PDE1C: variants seen among roughly 807,000 people sequenced by gnomAD.
PDE1C encodes the protein dual specificity calcium/calmodulin-dependent 3',5'-cyclic nucleotide phosphodiesterase 1C.
A neutral mutation model predicts 93.1 loss-of-function variants in PDE1C; 62 were observed. The observed-to-expected ratio is 0.67, with a 90% CI of 0.54 to 0.82. The LOEUF is 0.82. Ranked by LOEUF, PDE1C falls within the 40% of genes least tolerant of loss-of-function variation. PDE1C has a pLI of 0.00. For missense variants in PDE1C, 742 were observed against 884.6 expected (o/e 0.84, Z 2.04); for synonymous variants, 325 against 310.1 (o/e 1.05, Z -0.50).
chr7:32,192,050 T>A (rs879651835), intron 2 of PDE1C, among the ~76,000 whole-genome samples: 1 of 152,208 alleles, frequency 6.6e-6, no homozygotes, highest in Non-Finnish European at 1.5e-5. Context: ...TTTGACCATA[T>A]TCAAAATGCA....
intron 1 of PDE1C, among the ~76,000 whole-genome samples, chr7:32,402,586 AC>A (rs1784970668): frequency 6.6e-6 from 1 of 152,128 alleles, no homozygotes; most frequent in African/African-American, 2.4e-5. Context: ...TACTCAGTCT[AC>A]TGATTCAAAT....
intron 3 of PDE1C, among the ~76,000 whole-genome samples, chr7:32,110,657 A>G (rs62458869): frequency 0.2 from 30,812 of 152,082 alleles, 3,760 homozygotes; most frequent in Middle Eastern, 0.31. Context: ...CTGAGCGTTG[A>G]ATTCTGAGAT....
intron 2 of PDE1C, among the ~76,000 whole-genome samples, chr7:31,956,677 AC>A (rs1358035397): frequency 6.6e-6 from 1 of 151,916 alleles, no homozygotes; most frequent in Non-Finnish European, 1.5e-5. Context: ...CAAAAAAAAA[AC>A]CAGAATGAGT....
chr7:32,355,453 A>T (rs1397717311), intron 1 of PDE1C, among the ~76,000 whole-genome samples: 1 of 152,202 alleles, frequency 6.6e-6, no homozygotes, highest in African/African-American at 2.4e-5. Flanking sequence ...GCATCGTGGC[A>T]CACACTCCTT....
chr7:31,713,332 G>A, the PDE1C span, among the ~76,000 whole-genome samples: 1 of 152,218 alleles, frequency 6.6e-6, no homozygotes. Context: ...TTGACTCCAT[G>A]TCTCACATCC....
intron 1 of PDE1C, among the ~76,000 whole-genome samples, chr7:32,344,580 C>A (rs1461001967): frequency 6.6e-6 from 1 of 152,084 alleles, no homozygotes; most frequent in East Asian, 1.9e-4. Context: ...TTTCTTTCCC[C>A]CAGATATCAC....
At chr7:32,257,296 T>A (rs1412333122) in intron 1 of PDE1C, among the ~76,000 whole-genome samples, 1 of 152,228 alleles carries the variant, frequency 6.6e-6, no homozygotes, top group African/African-American at 2.4e-5. Flanking sequence ...GCTTCCTGCG[T>A]CAGGTTCATC....
chr7:32,205,592 A>C (rs547054737), intron 2 of PDE1C, among the ~76,000 whole-genome samples: 5 of 132,882 alleles, frequency 3.8e-5, no homozygotes, highest in Admixed American at 3.4e-4. Flanking sequence ...AAGAGAATAA[A>C]AGCAGGCCAA....
intron 2 of PDE1C, among the ~76,000 whole-genome samples, chr7:32,174,194 C>G (rs17160950): frequency 2.6e-5 from 4 of 152,008 alleles, no homozygotes; most frequent in Non-Finnish European, 5.9e-5. Context: ...TAAACCTGAT[C>G]TAAATGAAGG....
chr7:31,874,040 C>A (rs922912259), intron 5 of PDE1C, among the ~76,000 whole-genome samples: 24 of 152,202 alleles, frequency 1.6e-4, no homozygotes, highest in Admixed American at 1.4e-3. Flanking sequence ...TCAATCGAAA[C>A]TGCTGAGCTG....
At chr7:32,048,582 T>TA in intron 2 of PDE1C, among the ~76,000 whole-genome samples, 2 of 152,188 alleles carry the variant, frequency 1.3e-5, no homozygotes, top group East Asian at 3.9e-4. Context: ...GCAAAGATAC[T>TA]ATCTTGGAAG....
intron 2 of PDE1C, among the ~76,000 whole-genome samples, chr7:31,958,710 T>C (rs1808494109): frequency 6.6e-6 from 1 of 152,156 alleles, no homozygotes; most frequent in African/African-American, 2.4e-5. Flanking sequence ...TATATACACA[T>C]TTATTACTTT....
intron 17 of PDE1C, among the ~76,000 whole-genome samples, chr7:31,765,889 T>G (rs1795111909): frequency 6.6e-6 from 1 of 152,206 alleles, no homozygotes; most frequent in Non-Finnish European, 1.5e-5. Context: ...CCATTGGCAA[T>G]GACCTTCAGA....
At chr7:32,105,474 T>C (rs965236916) in intron 3 of PDE1C, among the ~76,000 whole-genome samples, 3 of 152,186 alleles carry the variant, frequency 2.0e-5, no homozygotes, top group Non-Finnish European at 2.9e-5. Flanking sequence ...TCCACCTAGA[T>C]AGACAATTTC....
At chr7:31,771,423 G>A (rs1039590660) in intron 17 of PDE1C, among the ~76,000 whole-genome samples, 4 of 152,262 alleles carry the variant, frequency 2.6e-5, no homozygotes, top group African/African-American at 9.6e-5. Flanking sequence ...ATCCTAATGG[G>A]TGTGAAGTGG....
At chr7:32,170,063 T>C (rs187100663) in intron 2 of PDE1C, 1 of 971,424 alleles carries the variant, frequency 1.0e-6, no homozygotes, top group Non-Finnish European at 1.6e-6. Context: ...GAAATTTATA[T>C]ATTTCTCACC....
intron 2 of PDE1C, among the ~76,000 whole-genome samples, chr7:31,981,413 A>G (rs980733151): frequency 6.6e-6 from 1 of 152,196 alleles, no homozygotes; most frequent in Non-Finnish European, 1.5e-5. Flanking sequence ...CACTTAACAT[A>G]TCACTTCATA....
At position 32,120,012 on chromosome 7, in the gene PDE1C, C is replaced by T. The variant is rs76471685; in HGVS notation, c.308+49773G>A. ...AGTTCCCTGGGTCGGGGAAGGGCAG[C>T]ATCCCTCTCTATAGCTCCAGGTCAC... On this transcript the variant is annotated intron_variant, in intron 3 of 18. Transcript: ENST00000396193. Among the ~76,000 whole-genome samples the T allele has an allele frequency of 2.7e-4, 41 of 152,338 alleles. No individual in the cohort carries two copies. The East Asian group carries it at 7.9e-3, about 29-fold the overall frequency.
At chr7:31,915,862 T>A (rs992593444) in intron 2 of PDE1C, among the ~76,000 whole-genome samples, 1 of 152,124 alleles carries the variant, frequency 6.6e-6, no homozygotes, top group Non-Finnish European at 1.5e-5. Context: ...AAGATACAAG[T>A]AGACTTGTAT....
Sources: allele counts gnomAD v4.1 joint callset (sites outside exome capture counted in the v4.1 genomes callset), GRCh38; gene constraint gnomAD v4.1.1; transcripts MANE v1.5; gene names NCBI Gene and HGNC (gene_info 2026-07-23, HGNC 2026-07-21).